The following PYGM variants were observed in gnomAD, a reference collection of about 807,000 sequenced individuals.
PYGM encodes glycogen phosphorylase, muscle form.
PYGM carries 81 observed loss-of-function variants against 99.3 expected under a neutral mutation model. The observed-to-expected ratio is 0.82, with a 90% confidence interval of 0.68 to 0.98. The LOEUF (loss-of-function observed/expected upper bound fraction) is 0.98, where lower values mean the gene tolerates loss of function less well. Among genes scored for constraint, PYGM ranks in the 50% least tolerant of loss-of-function variants. The pLI, the probability that PYGM is intolerant of heterozygous loss-of-function variation, is 0.00. For synonymous variants in PYGM, 436 were observed against 451.5 expected (o/e 0.97, Z 0.44); for missense variants, 1,030 against 1,158.1 (o/e 0.89, Z 1.61).
chr11:64,758,009 T>C lies in PYGM; in HGVS notation c.529-99A>G, dbSNP rs541708061. 2.9e-4 allele frequency: 443 copies of C among 1,546,044 alleles called. No homozygotes were observed. The African/African-American group carries it at 5.7e-3, about 20-fold the overall frequency. ...GTGGGGGCCGTGGGCCGGTGTACCC[T>C]ACACCAAGTATAAGTCAGGAGCTCT... On this transcript the variant is annotated intron_variant, in intron 4 of 19. Transcript: ENST00000164139.
chr11:64,753,430 G>A, intron 11 of PYGM, 89 bp downstream of exon 11: 3 of 1,475,844 alleles, frequency 2.0e-6, no homozygotes, highest in Non-Finnish European at 2.7e-6. Flanking sequence ...AGACCAGAGA[G>A]TGGTCGGTGA....
intron 17 of PYGM, 55 bp from the exon 18 acceptor site, chr11:64,747,413 C>G (rs71581781): frequency 6.0e-4 from 974 of 1,611,978 alleles, no homozygotes; most frequent in Admixed American, 1.2e-3. Context: ...GGCTCCTCTT[C>G]CAGAGAAAAG....
intron 18 of PYGM, 73 bp from the exon 19 acceptor site, chr11:64,747,060 G>C (rs2058316873): frequency 3.0e-5 from 47 of 1,583,330 alleles, no homozygotes; most frequent in Non-Finnish European, 3.7e-5. Context: ...CAAGGGCCAA[G>C]CCTGCCCTGT....
Position 64,754,420 on chromosome 11 carries a change from A to T in PYGM, c.1000-75T>A. 7.8e-7 allele frequency: 1 copy of T among 1,287,268 alleles called. No individual in the cohort carries two copies. Among genetic ancestry groups the T allele is most frequent in the Non-Finnish European group, 1.1e-6 (1 of 908,794 alleles). The allele number at this position is 1,287,268 out of a possible 1,614,324, so 79.7% of individuals were successfully genotyped here. On this transcript the variant is annotated intron_variant, in intron 8 of 19. Coordinates refer to ENST00000164139, the MANE Select transcript of PYGM (RefSeq NM_005609.4). The surrounding 1 kb of genome is among the most constrained non-coding windows in gnomAD (Gnocchi z 5.5). ...ATGGTCACTGCCCTATGCCATTTGG[A>T]GGCCCCCAGAGAGCCCAGCACGGTT...
Position 64,753,965 on chromosome 11 carries a change from G to T in PYGM, c.1153C>A (p.Leu385Met). ...AAGAGGTGCACCGGCCAGCGCTCCA[G>T]GGCCTCGGGCAGCACCGTGTGGTTG... is the stretch of plus-strand genomic sequence containing the variant. Reference protein sequence around the residue: ...YTNHTVLPEALERWPVHLLET... With the variant: ...YTNHTVLPEAMERWPVHLLET... The change falls in exon 10 of 20, where the codon CTG becomes ATG. Residue 385 changes from leucine to methionine, a missense_variant. Physicochemically the swap from Leu to Met is conservative, Grantham distance 15. Coordinates refer to ENST00000164139, the MANE Select transcript of PYGM (RefSeq NM_005609.4). 1 of 1,605,656 alleles carries T rather than the reference G, an allele frequency of 6.2e-7. No individual in the cohort carries two copies. Among genetic ancestry groups the T allele is most frequent in the Non-Finnish European group, 8.5e-7 (1 of 1,176,084 alleles).
At chr11:64,759,585 T>G in intron 1 of PYGM, 71 bp downstream of exon 1, 2 of 1,599,758 alleles carry the variant, frequency 1.3e-6, no homozygotes, top group Non-Finnish European at 1.7e-6. Context: ...GGGCAGCCAC[T>G]TAAGTCAAGA....
At chr11:64,749,824 ACT>A (rs2058341485) in intron 17 of PYGM, among the ~76,000 whole-genome samples, 1 of 127,756 alleles carries the variant, frequency 7.8e-6, no homozygotes, top group Non-Finnish European at 1.6e-5. Flanking sequence ...GCAGAGTCTC[ACT>A]CTGTTACCCA....
chr11:64,755,193 C>T lies in PYGM; in HGVS notation c.855+80G>A. On this transcript the variant is annotated intron_variant, in intron 7 of 19. Transcript: ENST00000164139. The surrounding 1 kb of genome is among the most constrained non-coding windows in gnomAD (Gnocchi z 4.1). ...GCCCTGGGTGTGACTAGGGCACCAGCAAGTGTCCTTCCCCAGCTCTCCCTG... is the reference window on the plus strand; with the variant it reads ...GCCCTGGGTGTGACTAGGGCACCAGTAAGTGTCCTTCCCCAGCTCTCCCTG... The T allele has an allele frequency of 6.8e-7, 1 of 1,476,644 alleles. No individual in the cohort carries two copies. The highest frequency in any genetic ancestry group is 9.4e-7 in the Non-Finnish European group (1 of 1,058,294). 91.5% of individuals were successfully genotyped at this position (1,476,644 alleles called of 1,614,324 possible).
rs574301811 is a variant in PYGM, at chr11:64,751,758, A to G, written c.1769-103T>C. 1.1e-4 allele frequency: 161 copies of G among 1,529,594 alleles called. 1 individual carries two copies. The highest frequency in any genetic ancestry group is 1.3e-4 in the Non-Finnish European group (148 of 1,109,570). 94.8% of individuals were successfully genotyped at this position (1,529,594 alleles called of 1,614,324 possible). ...CACCGTAGGCCTGACTCGAACAATC[A>G]CTTGCTATGCTCTCTTAGCCTCAGT... On this transcript the variant is annotated intron_variant, in intron 14 of 19. Transcript: ENST00000164139.
Position 64,759,958 on chromosome 11 carries a change from G to A in PYGM, c.-60C>T, listed in dbSNP as rs2058424092. On this transcript the variant is annotated 5_prime_UTR_variant, in exon 1 of 20. Coordinates refer to ENST00000164139, the MANE Select transcript of PYGM (RefSeq NM_005609.4). ...TAGAGGGGACGGCGGCCTCAGCACT[G>A]CCTCCAGCCAAGGAGTGGAGCTCCC... The A allele has an allele frequency of 6.2e-7, 1 of 1,600,168 alleles. No individual in the cohort carries two copies. Among genetic ancestry groups the A allele is most frequent in the African/African-American group, 1.3e-5 (1 of 74,864 alleles).
upstream of PYGM, chr11:64,759,993 G>A (rs1260387054): frequency 2.6e-6 from 4 of 1,557,248 alleles, no homozygotes; most frequent in African/African-American, 5.4e-5. Flanking sequence ...CCAGCCTCAA[G>A]GGGATTTAAA....
At chr11:64,759,408 AC>A (rs1352236896) in intron 1 of PYGM, among the ~76,000 whole-genome samples, 2 of 151,660 alleles carry the variant, frequency 1.3e-5, no homozygotes, top group Non-Finnish European at 2.9e-5. Flanking sequence ...GCCCACCAGC[AC>A]CCACTCCAAC....
intron 1 of PYGM, 33 bp from the exon 2 acceptor site, chr11:64,758,737 G>C (rs1418378217): frequency 1.3e-6 from 2 of 1,548,078 alleles, no homozygotes; most frequent in Non-Finnish European, 1.8e-6. Flanking sequence ...AGGGAATGGG[G>C]TCAGGGCCAC....
At position 64,746,576 on chromosome 11, in the gene PYGM, C is replaced by T; in HGVS notation, c.*83G>A. On this transcript the variant is annotated 3_prime_UTR_variant, in exon 20 of 20. Transcript: ENST00000164139. ...GGGGCTTAGAGATCTAACTCCAGTA[C>T]CCCACCCTCTGCATGAGGTGCTGGG... is the stretch of plus-strand genomic sequence containing the variant. The T allele has an allele frequency of 2.5e-6, 4 of 1,574,314 alleles. No homozygotes were observed. Among genetic ancestry groups the T allele is most frequent in the Non-Finnish European group, 3.5e-6 (4 of 1,149,680 alleles).
chr11:64,758,571 A>T, intron 2 of PYGM, 32 bp downstream of exon 2: 1 of 1,612,954 alleles, frequency 6.2e-7, no homozygotes, highest in Non-Finnish European at 8.5e-7. Context: ...GGAATCCCCC[A>T]GTCCCCACGG....
upstream of PYGM, among the ~76,000 whole-genome samples, chr11:64,760,499 C>T (rs1002586741): frequency 4.6e-5 from 7 of 152,214 alleles, no homozygotes; most frequent in East Asian, 3.9e-4. Context: ...CCACCCCCAC[C>T]GAAGCTGAGC....
In PYGM at chr11:64,758,824, C is replaced by T. The variant is rs1339066164; in HGVS notation, c.244-120G>A. 9.0e-6 allele frequency: 8 copies of T among 889,160 alleles called. No individual in the cohort carries two copies. In the Admixed American group the frequency reaches 1.5e-4, roughly 17 times the overall value. 55.1% of individuals were successfully genotyped at this position (889,160 alleles called of 1,614,324 possible). ...CCTGCTCAGCAGTCCCATCCCTGTC[C>T]CCAATTTGTTTCTCCCTGTCTCAGG... On this transcript the variant is annotated intron_variant, in intron 1 of 19. Coordinates refer to ENST00000164139, the MANE Select transcript of PYGM (RefSeq NM_005609.4).
Position 64,754,515 on chromosome 11 carries a change from G to T in PYGM, c.1000-170C>A. Reference sequence around the variant, plus strand: ...TGGGAGGAATGGGGGGAGTGGGGCGGGAGGAGGAGGGAAGCCCAGGTTCTG... The same window carrying T: ...TGGGAGGAATGGGGGGAGTGGGGCGTGAGGAGGAGGGAAGCCCAGGTTCTG... On this transcript the variant is annotated intron_variant, in intron 8 of 19. Coordinates refer to ENST00000164139, the MANE Select transcript of PYGM (RefSeq NM_005609.4). The surrounding 1 kb of genome is among the most constrained non-coding windows in gnomAD (Gnocchi z 5.5). 1 of 1,012,386 alleles carries T rather than the reference G, an allele frequency of 9.9e-7. No homozygotes were observed. Among genetic ancestry groups the T allele is most frequent in the Non-Finnish European group, 1.5e-6 (1 of 684,916 alleles). The allele number at this position is 1,012,386 out of a possible 1,614,324, so 62.7% of individuals were successfully genotyped here.
At chr11:64,758,823 C>T (rs1025768396) in intron 1 of PYGM, 119 bp from the exon 2 acceptor site, 9 of 893,894 alleles carry the variant, frequency 1.0e-5, no homozygotes, top group African/African-American at 4.9e-5. Context: ...CCATCCCTGT[C>T]CCCAATTTGT....
Sources: gnomAD v4.1 joint callset for allele counts (sites outside exome capture counted in the v4.1 genomes callset) on GRCh38, gnomAD v4.1.1 for gene constraint, Gnocchi (gnomAD v3.1) non-coding constraint, MANE v1.5 for transcripts, NCBI Gene and HGNC (gene_info 2026-07-23, HGNC 2026-07-21) for gene names.